The following HDAC9 variants were observed in gnomAD, a reference collection of about 807,000 sequenced individuals.
HDAC9 encodes the protein histone deacetylase 9, also known as MEF-2 interacting transcription repressor (MITR) protein.
In HDAC9, 41 loss-of-function variants were observed where a neutral mutation model predicts 139.4. The ratio of observed to expected loss-of-function variants is 0.29; its 90% confidence interval spans 0.23 to 0.38. The LOEUF is 0.38. HDAC9 is among the 10% of genes least tolerant of loss of function. The pLI is 1.00. For synonymous variants in HDAC9, 517 were observed against 476.2 expected (o/e 1.09, Z -1.12); for missense variants, 1,147 against 1,297.0 (o/e 0.88, Z 1.78).
At chr7:18,134,314 G>T (rs1785241710) in intron 1 of HDAC9, among the ~76,000 whole-genome samples, 1 of 152,120 alleles carries the variant, frequency 6.6e-6, no homozygotes, top group African/African-American at 2.4e-5. Context: ...TAATGTCATG[G>T]CATATATTAG....
At chr7:18,168,560 G>C (rs1000238904) in intron 2 of HDAC9, among the ~76,000 whole-genome samples, 1 of 151,936 alleles carries the variant, frequency 6.6e-6, no homozygotes, top group Non-Finnish European at 1.5e-5. Context: ...CAAAAACTCT[G>C]TGTGTGTGTC....
intron 2 of HDAC9, among the ~76,000 whole-genome samples, chr7:18,182,436 C>G (rs757287192): frequency 6.6e-6 from 1 of 151,986 alleles, no homozygotes; most frequent in Non-Finnish European, 1.5e-5. Flanking sequence ...TGATGACTGA[C>G]GGGAAAACAG....
chr7:18,707,877 A>G (rs201054226), intron 12 of HDAC9, among the ~76,000 whole-genome samples: 1 of 98,018 alleles, frequency 1.0e-5, no homozygotes, highest in Non-Finnish European at 2.0e-5. Context: ...GTGTGTGTGT[A>G]TGCACGTGCA....
chr7:18,649,952 G>A (rs529341307), intron 11 of HDAC9, among the ~76,000 whole-genome samples: 1 of 152,182 alleles, frequency 6.6e-6, no homozygotes, highest in East Asian at 1.9e-4. Flanking sequence ...GACCCTTTCT[G>A]TGTCATTAGA....
chr7:18,200,836 A>G (rs1291665782), intron 2 of HDAC9, among the ~76,000 whole-genome samples: 1 of 152,174 alleles, frequency 6.6e-6, no homozygotes. Flanking sequence ...AACCTATTGC[A>G]GATCAACAGC....
At chr7:18,542,681 C>T (rs1320995320) in intron 2 of HDAC9, among the ~76,000 whole-genome samples, 1 of 152,044 alleles carries the variant, frequency 6.6e-6, no homozygotes, top group African/African-American at 2.4e-5. Context: ...TTTAAAAATA[C>T]TTCATATTAA....
chr7:18,512,017 CAAAAAAA>C (rs11337572), intron 2 of HDAC9, among the ~76,000 whole-genome samples: 5 of 96,578 alleles, frequency 5.2e-5, no homozygotes, highest in African/African-American at 2.4e-4. Flanking sequence ...ATGAATTAAG[CAAAAAAA>C]AAAAAAAAAA....
chr7:18,736,919 A>G (rs1786969069), intron 13 of HDAC9, among the ~76,000 whole-genome samples: 1 of 152,036 alleles, frequency 6.6e-6, no homozygotes, highest in South Asian at 2.1e-4. Context: ...GGAGCCTGTT[A>G]TTGGTCTGTT....
chr7:18,786,302 C>T (rs1260510154), intron 16 of HDAC9, among the ~76,000 whole-genome samples: 1 of 152,050 alleles, frequency 6.6e-6, no homozygotes, highest in East Asian at 1.9e-4. Flanking sequence ...GTATAACTAG[C>T]GCTTTACTGG....
intron 1 of HDAC9, among the ~76,000 whole-genome samples, chr7:18,337,899 T>C (rs1171598473): frequency 1.3e-5 from 2 of 151,682 alleles, no homozygotes; most frequent in Non-Finnish European, 2.9e-5. Flanking sequence ...TTCTTTGGAC[T>C]TCAGTTTTCT....
At chr7:18,990,695 G>A (rs923223145) in intron 25 of HDAC9, among the ~76,000 whole-genome samples, 5 of 152,260 alleles carry the variant, frequency 3.3e-5, no homozygotes, top group Admixed American at 3.3e-4. Flanking sequence ...CTAGCAGTCA[G>A]CGAGATTCTG....
chr7:18,234,733 C>G (rs1793700363), intron 2 of HDAC9, among the ~76,000 whole-genome samples: 1 of 152,204 alleles, frequency 6.6e-6, no homozygotes, highest in Non-Finnish European at 1.5e-5. Flanking sequence ...TTCACAGAGA[C>G]AGCTGGGATA....
intron 1 of HDAC9, among the ~76,000 whole-genome samples, chr7:18,474,849 G>A (rs907315090): frequency 6.6e-6 from 1 of 152,014 alleles, no homozygotes; most frequent in African/African-American, 2.4e-5. Context: ...GAGGAGAAGG[G>A]TGGAAAGGGG....
chr7:18,584,136 C>A (rs1291543278), intron 2 of HDAC9, among the ~76,000 whole-genome samples: 2 of 114,408 alleles, frequency 1.7e-5, no homozygotes, highest in African/African-American at 6.5e-5. Flanking sequence ...TAGAAAGCAG[C>A]ATTCTTTTTT....
chr7:18,911,408 C>T (rs897848633), intron 22 of HDAC9, among the ~76,000 whole-genome samples: 1 of 151,528 alleles, frequency 6.6e-6, no homozygotes, highest in Non-Finnish European at 1.5e-5. Flanking sequence ...TTATTTGGAT[C>T]TCGTCTCCTT....
intron 1 of HDAC9, among the ~76,000 whole-genome samples, chr7:18,418,048 CTT>C (rs902040507): frequency 6.6e-6 from 1 of 152,186 alleles, no homozygotes; most frequent in Non-Finnish European, 1.5e-5. Flanking sequence ...TTGGCAACAA[CTT>C]TGCACAATCA....
chr7:18,935,294 TAATAA>T (rs1200107207), intron 22 of HDAC9, among the ~76,000 whole-genome samples: 2 of 152,172 alleles, frequency 1.3e-5, no homozygotes, highest in Non-Finnish European at 2.9e-5. Flanking sequence ...AAATGTTTCA[TAATAA>T]AATAATGCTT....
chr7:18,872,814 G>A (rs1267591970), intron 21 of HDAC9, among the ~76,000 whole-genome samples: 1 of 151,970 alleles, frequency 6.6e-6, no homozygotes, highest in Non-Finnish European at 1.5e-5. Flanking sequence ...GGGAAATACT[G>A]GGGGGAAAAT....
intron 1 of HDAC9, among the ~76,000 whole-genome samples, chr7:18,089,410 T>G (rs1346049105): frequency 6.6e-6 from 1 of 152,130 alleles, no homozygotes; most frequent in African/African-American, 2.4e-5. Context: ...TGTGATTGTT[T>G]GGTGACCAAA....
Sources: gnomAD v4.1 joint callset for allele counts (sites outside exome capture counted in the v4.1 genomes callset) on GRCh38, gnomAD v4.1.1 for gene constraint, MANE v1.5 for transcripts, NCBI Gene and HGNC (gene_info 2026-07-23, HGNC 2026-07-21) for gene names.